Variants in CNTNAP2 observed in about 807,000 individuals in gnomAD.
The protein encoded by CNTNAP2 is contactin associated protein 2.
Under a neutral mutation model 155.2 loss-of-function variants are expected in CNTNAP2, and 98 were observed. The ratio of observed to expected loss-of-function variants is 0.63; its 90% CI spans 0.54 to 0.75. The LOEUF (loss-of-function observed/expected upper bound fraction) is 0.75, where lower values mean the gene tolerates loss of function less well. Ranked by LOEUF, CNTNAP2 falls within the 30% of genes least tolerant of loss-of-function variation. CNTNAP2 has a pLI of 0.00. For synonymous variants in CNTNAP2, 651 were observed against 631.2 expected, an observed-to-expected ratio of 1.03 and a Z score of -0.47; for missense variants, 1,727 against 1,688.1, an observed-to-expected ratio of 1.02 and a Z score of -0.40.
intron 1 of CNTNAP2, among the ~76,000 whole-genome samples, chr7:146,539,049 C>T (rs1179930538): frequency 6.6e-6 from 1 of 152,070 alleles, no homozygotes; most frequent in Non-Finnish European, 1.5e-5. Flanking sequence ...ATTCACAGAT[C>T]ATCAGCTACA....
intron 13 of CNTNAP2, chr7:147,849,882 C>T (rs977596867): frequency 6.6e-6 from 1 of 152,248 alleles, no homozygotes; most frequent in Non-Finnish European, 1.5e-5. Flanking sequence ...AAGAGGCAAC[C>T]TGTCTATGGC....
chr7:146,529,495 T>C (rs1312633980), intron 1 of CNTNAP2, among the ~76,000 whole-genome samples: 1 of 152,136 alleles, frequency 6.6e-6, no homozygotes. Flanking sequence ...ACATTGATGA[T>C]CCCTTTCCTT....
chr7:147,950,254 A>T (rs1432436786), intron 14 of CNTNAP2, among the ~76,000 whole-genome samples: 2 of 150,734 alleles, frequency 1.3e-5, no homozygotes, highest in Non-Finnish European at 2.9e-5. Context: ...GATTAATGCA[A>T]TTCATACAGT....
chr7:146,882,509 C>A (rs1476467178), intron 3 of CNTNAP2, among the ~76,000 whole-genome samples: 1 of 151,934 alleles, frequency 6.6e-6, no homozygotes, highest in Admixed American at 6.6e-5. Flanking sequence ...GGCCTTTCCC[C>A]CCTCTTCACC....
chr7:146,135,202 C>T (rs1797779326), intron 1 of CNTNAP2, among the ~76,000 whole-genome samples: 1 of 152,048 alleles, frequency 6.6e-6, no homozygotes, highest in Middle Eastern at 3.4e-3. Context: ...TTAAGAAGCA[C>T]ACTTTAGAGG....
At chr7:148,179,575 C>A (rs866214544) in intron 18 of CNTNAP2, among the ~76,000 whole-genome samples, 68 of 48,406 alleles carry the variant, frequency 1.4e-3, no homozygotes, top group African/African-American at 4.9e-3. Flanking sequence ...GGGAGAGAGG[C>A]GGGGTGCGGG....
chr7:146,187,120 G>C (rs1798635405), intron 1 of CNTNAP2, among the ~76,000 whole-genome samples: 1 of 152,146 alleles, frequency 6.6e-6, no homozygotes. Flanking sequence ...TAGTATTGTT[G>C]AGGGAAGCCC....
At chr7:147,969,937 A>T (rs201077144) in intron 14 of CNTNAP2, among the ~76,000 whole-genome samples, 3 of 113,060 alleles carry the variant, frequency 2.7e-5, no homozygotes, top group Non-Finnish European at 4.2e-5. Context: ...TATTTTATTT[A>T]TTTTATTTTA....
chr7:146,983,646 G>A (rs1053013958), intron 3 of CNTNAP2, among the ~76,000 whole-genome samples: 1 of 152,124 alleles, frequency 6.6e-6, no homozygotes, highest in Non-Finnish European at 1.5e-5. Flanking sequence ...GTAAGCATGA[G>A]GGCTTCCATT....
intron 20 of CNTNAP2, among the ~76,000 whole-genome samples, chr7:148,264,536 T>C (rs2116836689): frequency 6.6e-6 from 1 of 152,362 alleles, no homozygotes; most frequent in South Asian, 2.1e-4. Flanking sequence ...CCCTTTTTTA[T>C]TTAAAAAGTT....
At chr7:147,092,794 G>A (rs559791066) in intron 4 of CNTNAP2, among the ~76,000 whole-genome samples, 7 of 152,268 alleles carry the variant, frequency 4.6e-5, no homozygotes, top group African/African-American at 1.4e-4. Context: ...TGATATAGTG[G>A]TTAGTGAATT....
At chr7:146,269,705 A>G (rs1261383461) in intron 1 of CNTNAP2, among the ~76,000 whole-genome samples, 1 of 152,252 alleles carries the variant, frequency 6.6e-6, no homozygotes. Context: ...ACATATTTAA[A>G]TAATTACTTA....
chr7:148,283,282 A>C, intron 21 of CNTNAP2, among the ~76,000 whole-genome samples: 1 of 106,662 alleles, frequency 9.4e-6, no homozygotes, highest in East Asian at 2.0e-4. Context: ...AAAGAAAGAA[A>C]GAAAGAAAGA....
Position 146,151,708 on chromosome 7 carries a change from A to ATG in CNTNAP2, c.97+34736_97+34737insGT, listed in dbSNP as rs1244205025. 1.4e-4 allele frequency among the ~76,000 whole-genome samples: 9 copies of ATG among 62,224 alleles called. 2 individuals carry two copies. The highest frequency in any genetic ancestry group is 4.9e-4 in the African/African-American group (5 of 10,222). The allele number at this position is 62,224 out of a possible 152,430, so 40.8% of individuals were successfully genotyped here. On this transcript the variant is annotated intron_variant, in intron 1 of 23. Transcript: ENST00000361727. ...TATATATATATATATGTATATATAT[A>ATG]TATATGTATATATATATATGCGCAA...
At chr7:146,666,475 T>C (rs1800197381) in intron 1 of CNTNAP2, among the ~76,000 whole-genome samples, 1 of 152,202 alleles carries the variant, frequency 6.6e-6, no homozygotes, top group Non-Finnish European at 1.5e-5. Context: ...TGCAGATGTC[T>C]TTTTGATATA....
At chr7:147,902,804 G>GTGTA (rs1799892654) in intron 13 of CNTNAP2, among the ~76,000 whole-genome samples, 2 of 128,126 alleles carry the variant, frequency 1.6e-5, no homozygotes, top group East Asian at 3.0e-4. Context: ...GTGTGTGTGT[G>GTGTA]TGTGTGTGTA....
intron 3 of CNTNAP2, among the ~76,000 whole-genome samples, chr7:146,963,361 A>G (rs1797592873): frequency 6.6e-6 from 1 of 152,196 alleles, no homozygotes; most frequent in African/African-American, 2.4e-5. Flanking sequence ...GCTTAATGCC[A>G]TGAAATTTAG....
chr7:146,905,096 G>A (rs1585148590), intron 3 of CNTNAP2, among the ~76,000 whole-genome samples: 1 of 152,154 alleles, frequency 6.6e-6, no homozygotes. Context: ...CCTTCCCATA[G>A]GCCTAACAGG....
chr7:146,709,315 A>C (rs6951437), intron 1 of CNTNAP2, among the ~76,000 whole-genome samples: 1 of 152,076 alleles, frequency 6.6e-6, no homozygotes, highest in African/African-American at 2.4e-5. Context: ...ACCACCATGC[A>C]TTCTAACCAT....
Sources: allele counts gnomAD v4.1 joint callset (sites outside exome capture counted in the v4.1 genomes callset), GRCh38; gene constraint gnomAD v4.1.1; transcripts MANE v1.5; gene names NCBI Gene and HGNC (gene_info 2026-07-23, HGNC 2026-07-21).